The following PRSS23 variants were observed in gnomAD, a reference collection of about 807,000 sequenced individuals.
PRSS23 encodes protease, serine 23.
In PRSS23, 25 loss-of-function variants were observed where a neutral mutation model predicts 34.7. The ratio of observed to expected loss-of-function variants is 0.72; its 90% CI spans 0.53 to 1.01. The LOEUF (loss-of-function observed/expected upper bound fraction) is 1.01. Ranked by LOEUF, PRSS23 falls within the 50% of genes least tolerant of loss-of-function variation. The pLI, the probability that PRSS23 is intolerant of heterozygous loss-of-function variation, is 0.00. For synonymous variants in PRSS23, 176 were observed against 186.6 expected (o/e 0.94, Z 0.46); for missense variants, 445 against 475.6 (o/e 0.94, Z 0.60).
chr11:86,818,954 C>T (rs1412974110), intron 1 of PRSS23, among the ~76,000 whole-genome samples: 1 of 152,186 alleles, frequency 6.6e-6, no homozygotes, highest in Non-Finnish European at 1.5e-5. Context: ...TTTCTTCCCT[C>T]TGTTAACATC....
chr11:86,926,985 C>T (rs1247675233), intron 2 of PRSS23, among the ~76,000 whole-genome samples: 1 of 152,176 alleles, frequency 6.6e-6, no homozygotes, highest in Non-Finnish European at 1.5e-5. Flanking sequence ...ATTGGGCCCC[C>T]TCAAACTCCA....
At chr11:86,821,717 G>C in intron 1 of PRSS23, 1 of 1,432,212 alleles carries the variant, frequency 7.0e-7, no homozygotes, top group South Asian at 1.2e-5. Flanking sequence ...TGAACAGCTA[G>C]TGTACTGTCT....
In PRSS23 at chr11:86,808,106, A is replaced by G; in HGVS notation, c.463A>G (p.Lys155Glu). ...LLNYPFSTSV[K>E]LSTGCTGTLV... Reference sequence around the variant, plus strand: ...CAACTACCCTTTCTCAACATCAGTGAAGTTATCCACGGGCTGCACCGGCAC... The same window carrying G: ...CAACTACCCTTTCTCAACATCAGTGGAGTTATCCACGGGCTGCACCGGCAC... Residue 155 changes from lysine (K) to glutamate (E), a missense_variant, in exon 2 of 2, where the codon AAG (lysine) becomes GAG (glutamate). By Grantham distance (56) the Lys-to-Glu change is moderately conservative. Coordinates refer to ENST00000280258, the MANE Select transcript of PRSS23 (RefSeq NM_007173.6). The G allele has an allele frequency of 1.2e-6, 2 of 1,614,150 alleles. No individual in the cohort carries two copies. The highest frequency in any genetic ancestry group is 1.7e-6 in the Non-Finnish European group (2 of 1,180,036).
intron 2 of PRSS23, among the ~76,000 whole-genome samples, chr11:86,827,918 G>T (rs968442679): frequency 6.6e-6 from 1 of 152,192 alleles, no homozygotes; most frequent in Non-Finnish European, 1.5e-5. Context: ...TTCCAACTAT[G>T]TGACCAATTT....
rs547925296 is a variant in PRSS23, at chr11:86,828,433, C to T, written c.206+4840C>T. Among the ~76,000 whole-genome samples the T allele has an allele frequency of 1.6e-4, 25 of 152,242 alleles. 1 individual carries two copies. The East Asian group carries it at 3.5e-3, about 21-fold the overall frequency. On this transcript the variant is annotated intron_variant, in intron 2 of 2. Coordinates refer to the PRSS23 transcript ENST00000533902. ...TCCTGAATACAGCACACTGGTGGGT[C>T]TTGACTCTTTATCCAATTTGCCAGT...
At position 86,951,965 on chromosome 11, in the gene PRSS23, ATAT is replaced by A; in HGVS notation, c.*684_*686del. On this transcript the variant is annotated 3_prime_UTR_variant, in exon 3 of 3. Coordinates refer to the PRSS23 transcript ENST00000533902. ...CCTGACAATATAAGCAATGCTATAA[ATAT>A]TATAGCACATACTGAGAAATATGAT... The A allele has an allele frequency of 6.2e-7, 1 of 1,612,618 alleles. No homozygotes were observed. Among genetic ancestry groups the A allele is most frequent in the Non-Finnish European group, 8.5e-7 (1 of 1,178,614 alleles).
chr11:86,855,216 C>T (rs1189866745), intron 2 of PRSS23, among the ~76,000 whole-genome samples: 1 of 151,022 alleles, frequency 6.6e-6, no homozygotes, highest in African/African-American at 2.4e-5. Context: ...AGTCTAGCCT[C>T]AAAAAGAAGA....
rs955463466 is a variant in PRSS23 at position 86,906,299 on chromosome 11, C to G, written c.207-44917C>G. ...CAAACCTCGCAGCTATTGTTTTCAT[C>G]GAAACCCTAAGCCATGGGCTCGGCT... On this transcript the variant is annotated intron_variant, in intron 2 of 2. Transcript: ENST00000533902. Among the ~76,000 whole-genome samples, 9 of 152,358 alleles carry G rather than the reference C, an allele frequency of 5.9e-5. No homozygotes were observed. The South Asian group carries it at 1.4e-3, about 25-fold the overall frequency.
Position 86,807,776 on chromosome 11 carries a change from A to G in PRSS23, c.133A>G (p.Thr45Ala), listed in dbSNP as rs761963622. Residue 45 changes from threonine (T) to alanine (A), a missense_variant, in exon 2 of 2, where the codon ACC becomes GCC. Coordinates refer to ENST00000280258, the MANE Select transcript of PRSS23 (RefSeq NM_007173.6). The part of the protein sequence containing the change: ...YRLPVVLPQS[T>A]LNLAKPDFGA... ...CCTCCCTGTCGTCTTGCCCCAGTCT[A>G]CCCTCAATTTAGCCAAGCCAGACTT... 4 of 1,614,024 alleles carry G rather than the reference A, an allele frequency of 2.5e-6. No homozygotes were observed. Among genetic ancestry groups the G allele is most frequent in the Non-Finnish European group, 3.4e-6 (4 of 1,179,994 alleles).
At chr11:86,839,362 C>G (rs981974356) in intron 2 of PRSS23, among the ~76,000 whole-genome samples, 52 of 150,600 alleles carry the variant, frequency 3.5e-4, no homozygotes, top group African/African-American at 8.0e-4. Flanking sequence ...TTATCAGTGA[C>G]TGAAGGTCAA....
intron 2 of PRSS23, chr11:86,823,629 T>C: frequency 1.4e-6 from 1 of 699,238 alleles, no homozygotes; most frequent in Non-Finnish European, 2.6e-6. Context: ...AGCAGTGTGC[T>C]TAATGGTGCT....
chr11:86,822,407 G>T (rs1333042742), intron 1 of PRSS23, among the ~76,000 whole-genome samples: 1 of 152,084 alleles, frequency 6.6e-6, no homozygotes, highest in East Asian at 1.9e-4. Context: ...AATGGCTTGA[G>T]CTCAGGAGTT....
intron 1 of PRSS23, among the ~76,000 whole-genome samples, chr11:86,794,146 T>G (rs896845271): frequency 1.3e-5 from 2 of 152,216 alleles, no homozygotes; most frequent in South Asian, 4.1e-4. Context: ...CATTTATGGA[T>G]AAATATAAAC....
chr11:86,862,492 C>G (rs2134936099), intron 2 of PRSS23, among the ~76,000 whole-genome samples: 1 of 152,076 alleles, frequency 6.6e-6, no homozygotes, highest in South Asian at 2.1e-4. Context: ...TGGGTGTACA[C>G]TCTGTGATAA....
At chr11:86,917,688 C>T (rs1056791719) in intron 2 of PRSS23, among the ~76,000 whole-genome samples, 11 of 152,136 alleles carry the variant, frequency 7.2e-5, no homozygotes, top group Non-Finnish European at 1.5e-4. Flanking sequence ...GGCTATCATC[C>T]CACAGTGGCT....
At chr11:86,898,245 T>G (rs780064102) in intron 2 of PRSS23, among the ~76,000 whole-genome samples, 1 of 152,170 alleles carries the variant, frequency 6.6e-6, no homozygotes, top group Non-Finnish European at 1.5e-5. Flanking sequence ...TCACCTCTAT[T>G]TCCATGGATT....
chr11:86,898,224 G>A (rs948416575), intron 2 of PRSS23, among the ~76,000 whole-genome samples: 3 of 152,218 alleles, frequency 2.0e-5, no homozygotes, highest in African/African-American at 7.2e-5. Context: ...CAGTGAGGAG[G>A]AGAAGGGTTT....
chr11:86,805,735 T>C (rs953417048), intron 1 of PRSS23, among the ~76,000 whole-genome samples: 4 of 152,164 alleles, frequency 2.6e-5, no homozygotes, highest in Middle Eastern at 3.2e-3. Context: ...AGTGTGGATA[T>C]TGGGAATGAG....
chr11:86,855,882 A>G (rs1279262538), intron 2 of PRSS23, among the ~76,000 whole-genome samples: 1 of 152,226 alleles, frequency 6.6e-6, no homozygotes, highest in African/African-American at 2.4e-5. Flanking sequence ...CACTTAATAT[A>G]CTGACCTGCA....
Sources: allele counts gnomAD v4.1 joint callset (sites outside exome capture counted in the v4.1 genomes callset), GRCh38; gene constraint gnomAD v4.1.1; transcripts MANE v1.5; gene names NCBI Gene and HGNC (gene_info 2026-07-23, HGNC 2026-07-21).